Variants in KCNH1 observed in about 807,000 individuals in gnomAD.
The protein encoded by KCNH1 is voltage-gated delayed rectifier potassium channel KCNH1.
KCNH1 carries 27 observed loss-of-function variants against 69.2 expected under a neutral mutation model. The ratio of observed to expected loss-of-function variants is 0.39; its 90% CI spans 0.29 to 0.54. The LOEUF is 0.54. Ranked by LOEUF, KCNH1 falls within the 20% of genes least tolerant of loss-of-function variation. KCNH1 has a pLI of 0.68. For synonymous variants in KCNH1, 456 were observed against 487.7 expected, an observed-to-expected ratio of 0.93 and a Z score of 0.86; for missense variants, 798 against 1,261.6, an observed-to-expected ratio of 0.63 and a Z score of 5.57.
chr1:210,686,460 A>T (rs1367023945), intron 10 of KCNH1, among the ~76,000 whole-genome samples: 1 of 151,748 alleles, frequency 6.6e-6, no homozygotes, highest in Non-Finnish European at 1.5e-5. Flanking sequence ...TGTCCTAGTT[A>T]CTCTCTATCT....
intron 7 of KCNH1, among the ~76,000 whole-genome samples, chr1:210,853,202 T>C (rs1037672008): frequency 3.3e-5 from 5 of 151,956 alleles, no homozygotes. Context: ...CCTTTTTGAG[T>C]CTCAGTTTCT....
chr1:211,124,774 T>C (rs1691749080), intron 1 of KCNH1, among the ~76,000 whole-genome samples: 1 of 152,162 alleles, frequency 6.6e-6, no homozygotes, highest in Admixed American at 6.5e-5. Context: ...GGGAGAGGTA[T>C]AGGCAGTAGT....
chr1:210,834,488 A>G lies in KCNH1; in HGVS notation c.1463-30322T>C, dbSNP rs555116192. Reference sequence around the variant, plus strand: ...TCATAGGTGGGAATTGAACAATGAGAACACATGGACACAGGAAGGGGAACA... The same window carrying G: ...TCATAGGTGGGAATTGAACAATGAGGACACATGGACACAGGAAGGGGAACA... On this transcript the variant is annotated intron_variant, in intron 7 of 10. Transcript: ENST00000271751. 1.9e-3 allele frequency among the ~76,000 whole-genome samples: 245 copies of G among 130,442 alleles called. 3 individuals carry two copies. Among genetic ancestry groups the G allele is most frequent in the African/African-American group, 7.1e-3 (241 of 34,150 alleles). The allele number at this position is 130,442 out of a possible 152,430, so 85.6% of individuals were successfully genotyped here.
At chr1:211,107,186 A>C in intron 2 of KCNH1, 68 bp downstream of exon 2, 1 of 1,575,808 alleles carries the variant, frequency 6.3e-7, no homozygotes, top group South Asian at 1.1e-5. Flanking sequence ...CGAATGCAGT[A>C]AACCATTTTC....
At chr1:211,031,006 A>T (rs1689773231) in intron 5 of KCNH1, among the ~76,000 whole-genome samples, 1 of 152,304 alleles carries the variant, frequency 6.6e-6, no homozygotes, top group East Asian at 1.9e-4. Flanking sequence ...CTCATTAGCC[A>T]TTCAGGAAAT....
In KCNH1 at chr1:210,681,007, A is replaced by G. The variant is rs11119569; in HGVS notation, c.*2274T>C. The stretch of plus-strand genomic sequence containing the variant: ...CTCTTGACATTGACCGTTGGGTGCC[A>G]GACAAGAAGCCTGTCATCAAGTCCC... On this transcript the variant is annotated 3_prime_UTR_variant, in exon 11 of 11. Coordinates refer to ENST00000271751, the MANE Select transcript of KCNH1 (RefSeq NM_172362.3). The G allele has an allele frequency of 0.76, 115,288 of 152,090 alleles. 44,292 individuals carry two copies. Among genetic ancestry groups the G allele is most frequent in the African/African-American group, 0.86 (35,613 of 41,500 alleles). 9.4% of individuals were successfully genotyped at this position (152,090 alleles called of 1,614,324 possible).
intron 10 of KCNH1, among the ~76,000 whole-genome samples, chr1:210,698,626 C>T (rs986299547): frequency 7.9e-5 from 12 of 152,358 alleles, no homozygotes; most frequent in Middle Eastern, 3.4e-3. Flanking sequence ...GGGAGCCCCA[C>T]GTCACCTGAT....
chr1:210,915,973 T>G (rs1489999780), intron 7 of KCNH1, among the ~76,000 whole-genome samples: 1 of 152,156 alleles, frequency 6.6e-6, no homozygotes, highest in Non-Finnish European at 1.5e-5. Context: ...CACTGGCTTT[T>G]TGTCTCTTTT....
chr1:210,853,490 T>C (rs1027537987), intron 7 of KCNH1, among the ~76,000 whole-genome samples: 2 of 152,178 alleles, frequency 1.3e-5, no homozygotes, highest in African/African-American at 4.8e-5. Flanking sequence ...AACTTTCCAA[T>C]GGATCTCAAA....
At chr1:210,930,733 G>T (rs924190725) in intron 6 of KCNH1, among the ~76,000 whole-genome samples, 12 of 152,136 alleles carry the variant, frequency 7.9e-5, no homozygotes, top group Non-Finnish European at 1.6e-4. Flanking sequence ...GAAATAAGCA[G>T]CAGAGTTAAT....
At chr1:210,857,557 C>T (rs958482160) in intron 7 of KCNH1, among the ~76,000 whole-genome samples, 2 of 152,106 alleles carry the variant, frequency 1.3e-5, no homozygotes, top group African/African-American at 4.8e-5. Context: ...GTCCACATGG[C>T]TGAGACAAAG....
At chr1:210,944,628 C>T (rs1356181217) in intron 6 of KCNH1, among the ~76,000 whole-genome samples, 1 of 152,194 alleles carries the variant, frequency 6.6e-6, no homozygotes, top group African/African-American at 2.4e-5. Context: ...TCATTTCAGG[C>T]ACAGAGCAGC....
At chr1:210,959,314 A>G (rs554869120) in intron 6 of KCNH1, among the ~76,000 whole-genome samples, 1 of 152,224 alleles carries the variant, frequency 6.6e-6, no homozygotes, top group East Asian at 1.9e-4. Context: ...GCACCCGCCT[A>G]TATGAGGTGT....
chr1:211,043,536 C>T lies in KCNH1; in HGVS notation c.559-24280G>A, dbSNP rs370290608. Among the ~76,000 whole-genome samples the T allele has an allele frequency of 1.8e-3, 267 of 151,506 alleles. 2 individuals are homozygous for T. Among genetic ancestry groups the T allele is most frequent in the African/African-American group, 6.0e-3 (250 of 41,454 alleles). ...AATTCTACCAGACATTCAAAGTCCT[C>T]TTGACACTATTCCACAAGATAGAGA... On this transcript the variant is annotated intron_variant, in intron 5 of 10. Transcript: ENST00000271751.
intron 7 of KCNH1, among the ~76,000 whole-genome samples, chr1:210,887,551 C>T (rs566884194): frequency 6.4e-4 from 97 of 152,114 alleles, no homozygotes; most frequent in African/African-American, 2.2e-3. Context: ...ACCATATTAA[C>T]CTTAAATGTA....
At chr1:211,036,792 T>C (rs1689906990) in intron 5 of KCNH1, among the ~76,000 whole-genome samples, 1 of 152,200 alleles carries the variant, frequency 6.6e-6, no homozygotes, top group African/African-American at 2.4e-5. Flanking sequence ...CTTTGATTAG[T>C]CTTGTACAAT....
At chr1:210,733,060 T>G (rs1309084070) in intron 10 of KCNH1, among the ~76,000 whole-genome samples, 1 of 152,188 alleles carries the variant, frequency 6.6e-6, no homozygotes, top group Non-Finnish European at 1.5e-5. Flanking sequence ...AACAGACCCC[T>G]TTCTCCTTGC....
chr1:211,034,883 C>A (rs1342090505), intron 5 of KCNH1, among the ~76,000 whole-genome samples: 1 of 152,144 alleles, frequency 6.6e-6, no homozygotes, highest in African/African-American at 2.4e-5. Context: ...CTCCATAGTT[C>A]TTGGTAACAA....
chr1:211,075,271 A>G (rs1690713344), intron 5 of KCNH1, among the ~76,000 whole-genome samples: 1 of 152,228 alleles, frequency 6.6e-6, no homozygotes, highest in African/African-American at 2.4e-5. Flanking sequence ...CCAAAATGGT[A>G]CAAATGAATG....
Sources: allele counts gnomAD v4.1 joint callset (sites outside exome capture counted in the v4.1 genomes callset), GRCh38; gene constraint gnomAD v4.1.1; transcripts MANE v1.5; gene names NCBI Gene and HGNC (gene_info 2026-07-23, HGNC 2026-07-21).